The following FAM193A variants were observed in gnomAD, a reference collection of about 807,000 sequenced individuals.
FAM193A encodes protein FAM193A.
In FAM193A, 22 loss-of-function variants were observed where a neutral mutation model predicts 126.5. The ratio of observed to expected loss-of-function variants is 0.17; its 90% CI spans 0.12 to 0.25. FAM193A has a LOEUF of 0.25. Ranked by LOEUF, FAM193A falls within the 10% of genes least tolerant of loss-of-function variation. The pLI is 1.00. For missense variants in FAM193A, 1,675 were observed against 1,672.8 expected, an observed-to-expected ratio of 1.00 and a Z score of -0.02; for synonymous variants, 761 against 646.8, an observed-to-expected ratio of 1.18 and a Z score of -2.68.
chr4:2,721,758 G>A (rs1720183287), intron 20 of FAM193A, among the ~76,000 whole-genome samples: 1 of 152,182 alleles, frequency 6.6e-6, no homozygotes, highest in Non-Finnish European at 1.5e-5. Context: ...TTGAAGTTGT[G>A]CCTCCCGTGC....
chr4:2,599,923 C>G (rs1431513595), intron 2 of FAM193A, among the ~76,000 whole-genome samples: 2 of 148,648 alleles, frequency 1.3e-5, no homozygotes, highest in Non-Finnish European at 3.0e-5. Flanking sequence ...TTTTTAGAGA[C>G]ACAGTCTCGC....
intron 1 of FAM193A, among the ~76,000 whole-genome samples, chr4:2,563,524 A>AC (rs1738753905): frequency 7.4e-6 from 1 of 135,026 alleles, no homozygotes; most frequent in South Asian, 2.5e-4. Context: ...GGTCATCTCT[A>AC]CAAAAAAAAA....
chr4:2,602,081 C>G (rs1390244587), intron 2 of FAM193A, among the ~76,000 whole-genome samples: 2 of 152,110 alleles, frequency 1.3e-5, no homozygotes, highest in Non-Finnish European at 2.9e-5. Context: ...TCAAGTGATC[C>G]TCCTGCTGCG....
chr4:2,690,146 C>T (rs1345201061), intron 14 of FAM193A, among the ~76,000 whole-genome samples: 1 of 152,240 alleles, frequency 6.6e-6, no homozygotes, highest in African/African-American at 2.4e-5. Flanking sequence ...CGCCACGTGG[C>T]ATCTCTCCCC....
intron 2 of FAM193A, among the ~76,000 whole-genome samples, chr4:2,598,999 C>T (rs781494683): frequency 6.6e-6 from 1 of 152,196 alleles, no homozygotes; most frequent in Non-Finnish European, 1.5e-5. Context: ...GTCTGACCGG[C>T]CCCGTGTCTT....
At chr4:2,651,647 A>C (rs1212956327) in intron 7 of FAM193A, among the ~76,000 whole-genome samples, 1 of 152,172 alleles carries the variant, frequency 6.6e-6, no homozygotes, top group South Asian at 2.1e-4. Flanking sequence ...ACAGTTTGAC[A>C]TGAGATTTGG....
chr4:2,704,793 A>G (rs565553389), intron 19 of FAM193A, among the ~76,000 whole-genome samples: 3 of 152,156 alleles, frequency 2.0e-5, no homozygotes, highest in African/African-American at 4.8e-5. Flanking sequence ...TTTCTCCTCT[A>G]ATTACAATGA....
chr4:2,609,108 G>A (rs752790847), intron 2 of FAM193A, among the ~76,000 whole-genome samples: 8 of 151,542 alleles, frequency 5.3e-5, no homozygotes, highest in Non-Finnish European at 1.0e-4. Flanking sequence ...TAGCCAGAAC[G>A]GTCCCAGTCT....
At chr4:2,698,107 A>G (rs930112728) in intron 18 of FAM193A, among the ~76,000 whole-genome samples, 1 of 152,210 alleles carries the variant, frequency 6.6e-6, no homozygotes. Context: ...AGCAGCTCAC[A>G]GATGTGTGTT....
chr4:2,633,297 G>A (rs2109006167), intron 5 of FAM193A, among the ~76,000 whole-genome samples: 1 of 152,110 alleles, frequency 6.6e-6, no homozygotes, highest in East Asian at 1.9e-4. Context: ...TACTCGGGAG[G>A]CTGAGGCAGG....
intron 13 of FAM193A, among the ~76,000 whole-genome samples, chr4:2,672,919 GA>G (rs1316660674): frequency 6.6e-6 from 1 of 152,232 alleles, no homozygotes; most frequent in East Asian, 1.9e-4. Context: ...GGAGGGTACA[GA>G]AAGGAGAAGC....
chr4:2,535,738 G>A (rs1006427314), upstream of FAM193A, among the ~76,000 whole-genome samples: 2 of 152,192 alleles, frequency 1.3e-5, no homozygotes, highest in Non-Finnish European at 2.9e-5. Flanking sequence ...CGAGGGTGTG[G>A]GACACGGCCG....
At chr4:2,723,046 G>A (rs1285883412) in intron 20 of FAM193A, among the ~76,000 whole-genome samples, 1 of 152,192 alleles carries the variant, frequency 6.6e-6, no homozygotes, top group Non-Finnish European at 1.5e-5. Context: ...GGCCAAGGCA[G>A]GAGGATCACG....
rs1712206922 is a variant in FAM193A at position 2,659,922 on chromosome 4, C to T, written c.1613C>T (p.Ala538Val). ...CAGCTCCCACTTCAAGTGGATCCTG[C>T]TCCTGACTATCTTGCTGAGAGGAGC... ...IHQLPLQVDP[A>V]PDYLAERSPP... The change falls in exon 10 of 21, where the codon GCT becomes GTT. Residue 538 changes from alanine to valine, a missense_variant. Ala to Val is a moderately conservative substitution (Grantham distance 64, BLOSUM62 0). Coordinates refer to ENST00000637812, the MANE Select transcript of FAM193A (RefSeq NM_001366318.2). 6.2e-7 allele frequency: 1 copy of T among 1,614,204 alleles called. No individual in the cohort carries two copies. Among genetic ancestry groups the T allele is most frequent in the Non-Finnish European group, 8.5e-7 (1 of 1,180,030 alleles).
chr4:2,643,165 G>A (rs957558151), intron 6 of FAM193A, among the ~76,000 whole-genome samples: 3 of 152,098 alleles, frequency 2.0e-5, no homozygotes, highest in East Asian at 1.9e-4. Flanking sequence ...CACTGACGAC[G>A]CCAGGACACG....
At chr4:2,623,094 C>A (rs1742652309) in intron 2 of FAM193A, among the ~76,000 whole-genome samples, 1 of 152,012 alleles carries the variant, frequency 6.6e-6, no homozygotes. Context: ...CCCAGCAGGA[C>A]CTATTTGGGG....
chr4:2,567,167 C>T (rs2108851311), intron 1 of FAM193A, among the ~76,000 whole-genome samples: 1 of 150,402 alleles, frequency 6.6e-6, no homozygotes, highest in African/African-American at 2.5e-5. Context: ...CCAGGATGGT[C>T]TCGATCTCCT....
chr4:2,651,105 C>T (rs961067573), intron 7 of FAM193A, among the ~76,000 whole-genome samples: 6 of 152,118 alleles, frequency 3.9e-5, no homozygotes, highest in South Asian at 2.1e-4. Context: ...CCAAGGTGGG[C>T]GGATCACCTG....
chr4:2,689,028 A>G (rs1041606971), intron 13 of FAM193A, among the ~76,000 whole-genome samples: 2 of 152,262 alleles, frequency 1.3e-5, no homozygotes, highest in African/African-American at 4.8e-5. Flanking sequence ...TTTAGAGCAC[A>G]GTATACAAAT....
Sources: gnomAD v4.1 joint callset for allele counts (sites outside exome capture counted in the v4.1 genomes callset) on GRCh38, gnomAD v4.1.1 for gene constraint, MANE v1.5 for transcripts, NCBI Gene and HGNC (gene_info 2026-07-23, HGNC 2026-07-21) for gene names.